The following LEPR variants were observed in gnomAD, a reference collection of about 807,000 sequenced individuals.
LEPR encodes the protein OB receptor.
A neutral mutation model predicts 114.7 loss-of-function variants in LEPR; 56 were observed. The ratio of observed to expected loss-of-function variants is 0.49; its 90% CI spans 0.39 to 0.61. The LOEUF (loss-of-function observed/expected upper bound fraction) is 0.61, where lower values mean the gene tolerates loss of function less well. Among genes scored for constraint, LEPR ranks in the 20% least tolerant of loss-of-function variants. The pLI is 0.00. For synonymous variants in LEPR, 443 were observed against 461.4 expected (o/e 0.96, Z 0.51); for missense variants, 1,202 against 1,352.9 (o/e 0.89, Z 1.75).
chr1:65,529,305 G>A (rs1485636645), intron 2 of LEPR, among the ~76,000 whole-genome samples: 1 of 151,750 alleles, frequency 6.6e-6, no homozygotes, highest in East Asian at 1.9e-4. Context: ...TGGATCACAA[G>A]GTCAGGAGTT....
At chr1:65,462,390 G>T (rs1193720274) in intron 2 of LEPR, among the ~76,000 whole-genome samples, 1 of 152,040 alleles carries the variant, frequency 6.6e-6, no homozygotes, top group South Asian at 2.1e-4. Context: ...TTCTTAATCC[G>T]TTCTATCATT....
intron 2 of LEPR, chr1:65,432,709 G>T (rs1646503366): frequency 2.3e-6 from 2 of 867,212 alleles, no homozygotes; most frequent in African/African-American, 1.8e-5. Flanking sequence ...GCCTCAGTTA[G>T]GAGGAATAAG....
chr1:65,549,574 C>T (rs1174193507), intron 2 of LEPR, among the ~76,000 whole-genome samples: 2 of 152,282 alleles, frequency 1.3e-5, no homozygotes, highest in Admixed American at 1.3e-4. Context: ...CATCTTCCAT[C>T]ACTGATACCC....
At chr1:65,582,699 C>G (rs1243277006) in intron 5 of LEPR, among the ~76,000 whole-genome samples, 1 of 152,164 alleles carries the variant, frequency 6.6e-6, no homozygotes. Flanking sequence ...GAGTTCTGAT[C>G]TAAGGCAAAC....
At chr1:65,481,565 G>T (rs1647240468) in intron 2 of LEPR, among the ~76,000 whole-genome samples, 1 of 151,810 alleles carries the variant, frequency 6.6e-6, no homozygotes, top group Non-Finnish European at 1.5e-5. Flanking sequence ...ATAAGAAAAA[G>T]TTGCCCAACT....
At chr1:65,474,615 C>A (rs1327574746) in intron 2 of LEPR, among the ~76,000 whole-genome samples, 5 of 152,150 alleles carry the variant, frequency 3.3e-5, no homozygotes, top group Non-Finnish European at 5.9e-5. Context: ...AGTCCCATTA[C>A]ATACACACAT....
chr1:65,525,623 G>C, intron 2 of LEPR: 1 of 985,516 alleles, frequency 1.0e-6, no homozygotes, highest in Non-Finnish European at 1.2e-6. Context: ...ACCCCAGCCT[G>C]CTCCTGCTCA....
At chr1:65,432,588 CCTG>C (rs1646501540) in intron 2 of LEPR, 2 of 978,584 alleles carry the variant, frequency 2.0e-6, no homozygotes, top group African/African-American at 3.5e-5. Flanking sequence ...AAAAGTCTCA[CCTG>C]CTTTCATGCT....
chr1:65,441,479 T>C (rs933824288), intron 2 of LEPR, among the ~76,000 whole-genome samples: 3 of 152,240 alleles, frequency 2.0e-5, no homozygotes, highest in Non-Finnish European at 4.4e-5. Context: ...TGTATTCCTT[T>C]AATTCATATA....
intron 2 of LEPR, among the ~76,000 whole-genome samples, chr1:65,564,520 G>T (rs1348804580): frequency 1.1e-5 from 1 of 92,374 alleles, no homozygotes; most frequent in Non-Finnish European, 2.4e-5. Context: ...CTTCTGCGTT[G>T]CTCATGCTGG....
chr1:65,622,066 T>C (rs963673943), intron 18 of LEPR, among the ~76,000 whole-genome samples: 1 of 152,158 alleles, frequency 6.6e-6, no homozygotes, highest in African/African-American at 2.4e-5. Flanking sequence ...AGGGGAATTT[T>C]AATATGAGGT....
At chr1:65,571,846 T>G (rs1164493859) in intron 4 of LEPR, among the ~76,000 whole-genome samples, 1 of 141,766 alleles carries the variant, frequency 7.1e-6, no homozygotes, top group Non-Finnish European at 1.5e-5. Flanking sequence ...GGTGCATGCC[T>G]CTAGTCCCAT....
chr1:65,440,441 CAA>C (rs1158600384), intron 2 of LEPR, among the ~76,000 whole-genome samples: 1 of 150,748 alleles, frequency 6.6e-6, no homozygotes, highest in Non-Finnish European at 1.5e-5. Context: ...AATGCTAAGG[CAA>C]AAAAAGGAAG....
intron 3 of LEPR, among the ~76,000 whole-genome samples, chr1:65,567,722 A>C (rs917126075): frequency 6.6e-6 from 1 of 152,204 alleles, no homozygotes; most frequent in Non-Finnish European, 1.5e-5. Flanking sequence ...TTGATTAAAA[A>C]TTTTATTTTC....
At chr1:65,495,524 A>G (rs1648109967) in intron 2 of LEPR, among the ~76,000 whole-genome samples, 1 of 152,168 alleles carries the variant, frequency 6.6e-6, no homozygotes, top group Non-Finnish European at 1.5e-5. Flanking sequence ...GAACTATCAT[A>G]TGATCCAGCA....
chr1:65,634,228 A>G (rs541224627), intron 19 of LEPR: 14 of 959,260 alleles, frequency 1.5e-5, no homozygotes, highest in Middle Eastern at 5.4e-4. Context: ...GTATATATGT[A>G]TATATGGATC....
chr1:65,483,340 A>C (rs539149258), intron 2 of LEPR, among the ~76,000 whole-genome samples: 5 of 152,146 alleles, frequency 3.3e-5, no homozygotes, highest in Admixed American at 6.5e-5. Flanking sequence ...TAAAACGACA[A>C]TGTATCACCA....
intron 5 of LEPR, among the ~76,000 whole-genome samples, chr1:65,580,663 A>T (rs898630068): frequency 6.6e-6 from 1 of 152,200 alleles, no homozygotes; most frequent in Admixed American, 6.5e-5. Flanking sequence ...ATGGGGAACA[A>T]GGTTCTACAA....
At chr1:65,515,517 T>G (rs1261041041) in intron 2 of LEPR, among the ~76,000 whole-genome samples, 2 of 152,248 alleles carry the variant, frequency 1.3e-5, no homozygotes, top group Non-Finnish European at 2.9e-5. Flanking sequence ...GTTTTATTTT[T>G]ACTTTTGTAC....
Sources: gnomAD v4.1 joint callset for allele counts (sites outside exome capture counted in the v4.1 genomes callset) on GRCh38, gnomAD v4.1.1 for gene constraint, MANE v1.5 for transcripts, NCBI Gene and HGNC (gene_info 2026-07-23, HGNC 2026-07-21) for gene names.